Variants in SPIDR observed in about 807,000 individuals in gnomAD.
SPIDR encodes scaffold protein involved in DNA repair.
In SPIDR, 93 loss-of-function variants were observed where a neutral mutation model predicts 104.6. The observed-to-expected ratio is 0.89, with a 90% CI of 0.75 to 1.06. The LOEUF is 1.06. Among genes scored for constraint, SPIDR ranks in the 50% least tolerant of loss-of-function variants. The probability of loss-of-function intolerance (pLI) is 0.00; values close to 1 mark genes in which losing one functional copy is unlikely to be tolerated. For missense variants in SPIDR, 1,154 were observed against 1,111.2 expected, an observed-to-expected ratio of 1.04 and a Z score of -0.55; for synonymous variants, 431 against 416.9, an observed-to-expected ratio of 1.03 and a Z score of -0.41.
intron 14 of SPIDR, among the ~76,000 whole-genome samples, chr8:47,709,386 C>A (rs1444890227): frequency 2.0e-5 from 3 of 152,170 alleles, no homozygotes; most frequent in Non-Finnish European, 4.4e-5. Flanking sequence ...GTGATTCACC[C>A]GCCTCTGCCT....
chr8:47,383,751 A>G (rs2059583830), intron 5 of SPIDR, among the ~76,000 whole-genome samples: 1 of 152,188 alleles, frequency 6.6e-6, no homozygotes, highest in Admixed American at 6.5e-5. Flanking sequence ...ACACACTTGT[A>G]TTTAATTTAT....
chr8:47,529,278 C>T (rs1168473202), intron 8 of SPIDR, among the ~76,000 whole-genome samples: 1 of 152,024 alleles, frequency 6.6e-6, no homozygotes, highest in East Asian at 1.9e-4. Context: ...ATTAACCGGG[C>T]ATGGTGACAC....
At chr8:47,722,431 C>G (rs1478210421) in intron 16 of SPIDR, among the ~76,000 whole-genome samples, 1 of 152,176 alleles carries the variant, frequency 6.6e-6, no homozygotes, top group Non-Finnish European at 1.5e-5. Flanking sequence ...CATCCTTGCC[C>G]TGTTCTTAAT....
At chr8:47,699,541 A>C (rs2079845375) in intron 11 of SPIDR, among the ~76,000 whole-genome samples, 1 of 151,816 alleles carries the variant, frequency 6.6e-6, no homozygotes, top group South Asian at 2.1e-4. Context: ...GTGTCCCTCT[A>C]TATATTTTAC....
chr8:47,463,302 A>G (rs1554714796), intron 8 of SPIDR, among the ~76,000 whole-genome samples: 2 of 150,780 alleles, frequency 1.3e-5, no homozygotes, highest in East Asian at 2.0e-4. Context: ...TGGAGCTTGC[A>G]GTGAGCCGAG....
intron 3 of SPIDR, among the ~76,000 whole-genome samples, chr8:47,289,078 T>C (rs1000495040): frequency 3.9e-5 from 6 of 152,188 alleles, no homozygotes; most frequent in African/African-American, 1.4e-4. Context: ...GGTGCAGTCA[T>C]AGCTCACTGC....
intron 8 of SPIDR, among the ~76,000 whole-genome samples, chr8:47,535,209 A>T (rs1287945081): frequency 1.3e-5 from 2 of 152,204 alleles, no homozygotes. Context: ...TTTAGGGCAG[A>T]AATTATACCT....
chr8:47,564,161 C>T (rs1168424721), intron 8 of SPIDR, among the ~76,000 whole-genome samples: 3 of 149,472 alleles, frequency 2.0e-5, no homozygotes, highest in African/African-American at 7.4e-5. Context: ...TCACTGCAAC[C>T]TCCACCTCCC....
chr8:47,349,200 A>G (rs1260486597), intron 5 of SPIDR, among the ~76,000 whole-genome samples: 1 of 152,232 alleles, frequency 6.6e-6, no homozygotes, highest in South Asian at 2.1e-4. Flanking sequence ...TCCTTCTAAC[A>G]GGACCCTCAG....
At chr8:47,592,574 G>A in intron 8 of SPIDR, 1 of 1,285,304 alleles carries the variant, frequency 7.8e-7, no homozygotes, top group Non-Finnish European at 1.1e-6. Context: ...CAAACCCTGG[G>A]TTTCCTTGAT....
intron 8 of SPIDR, among the ~76,000 whole-genome samples, chr8:47,575,600 TC>T (rs1327143654): frequency 2.2e-5 from 3 of 139,492 alleles, no homozygotes; most frequent in Admixed American, 1.5e-4. Context: ...TGAGCCGAGA[TC>T]GCGCCACTGC....
intron 7 of SPIDR, among the ~76,000 whole-genome samples, chr8:47,421,448 T>A (rs73565236): frequency 0.016 from 2,469 of 152,328 alleles, 64 homozygotes; most frequent in African/African-American, 0.057. Context: ...CTTGTTGTGG[T>A]TTTTAGCTCC....
intron 5 of SPIDR, among the ~76,000 whole-genome samples, chr8:47,314,019 T>G (rs2044761963): frequency 6.6e-6 from 1 of 152,214 alleles, no homozygotes; most frequent in Non-Finnish European, 1.5e-5. Context: ...TTGGTAAAAA[T>G]GTAAGTCTTC....
At chr8:47,272,292 G>A (rs372153446) in intron 1 of SPIDR, among the ~76,000 whole-genome samples, 45 of 152,110 alleles carry the variant, frequency 3.0e-4, no homozygotes, top group African/African-American at 1.1e-3. Flanking sequence ...AAAACTGGAC[G>A]TTTTAAATAG....
In SPIDR at chr8:47,364,710, G is replaced by A. The variant is rs146204920; in HGVS notation, c.526-31666G>A. Among the ~76,000 whole-genome samples the A allele has an allele frequency of 2.8e-3, 423 of 152,100 alleles. 1 individual carries two copies. The highest frequency in any genetic ancestry group is 9.9e-3 in the African/African-American group (410 of 41,498). On this transcript the variant is annotated intron_variant, in intron 5 of 19. Transcript: ENST00000297423. Reference sequence around the variant, plus strand: ...ACTATGTTTTTCAGGAAGTCTTTTCGGTGGCATTTTCTGATAATGCCAGCC... The same window carrying A: ...ACTATGTTTTTCAGGAAGTCTTTTCAGTGGCATTTTCTGATAATGCCAGCC...
intron 10 of SPIDR, among the ~76,000 whole-genome samples, chr8:47,670,493 G>A (rs1016725746): frequency 1.3e-5 from 2 of 152,024 alleles, no homozygotes; most frequent in Non-Finnish European, 2.9e-5. Flanking sequence ...AAAGTTTGTG[G>A]ATCGATTACC....
At chr8:47,647,655 G>GA (rs1299640663) in intron 10 of SPIDR, among the ~76,000 whole-genome samples, 126 of 49,988 alleles carry the variant, frequency 2.5e-3, no homozygotes, top group Middle Eastern at 0.014. Flanking sequence ...AGAGAGAGAG[G>GA]GAGAGAGAGA....
At chr8:47,414,119 G>A (rs1477020591) in intron 7 of SPIDR, among the ~76,000 whole-genome samples, 3 of 152,184 alleles carry the variant, frequency 2.0e-5, no homozygotes, top group African/African-American at 7.2e-5. Context: ...TGTAAATTGT[G>A]GAACTGTATA....
chr8:47,642,520 G>A (rs371010672), intron 10 of SPIDR, among the ~76,000 whole-genome samples: 119 of 152,156 alleles, frequency 7.8e-4, no homozygotes, highest in African/African-American at 2.7e-3. Flanking sequence ...AAGACAGCCC[G>A]CTGACTTCTT....
Sources: gnomAD v4.1 joint callset for allele counts (sites outside exome capture counted in the v4.1 genomes callset) on GRCh38, gnomAD v4.1.1 for gene constraint, MANE v1.5 for transcripts, NCBI Gene and HGNC (gene_info 2026-07-23, HGNC 2026-07-21) for gene names.